Variants in CEP95 observed in about 807,000 individuals in gnomAD.
The protein encoded by CEP95 is centrosomal protein 95, also known as centrosomal protein of 95 kDa.
CEP95 carries 98 observed loss-of-function variants against 111.2 expected under a neutral mutation model. That is an observed-to-expected ratio of 0.88 (90% CI 0.75 to 1.04). The LOEUF (loss-of-function observed/expected upper bound fraction) is 1.04, where lower values mean the gene tolerates loss of function less well. Among genes scored for constraint, CEP95 ranks in the 50% least tolerant of loss-of-function variants. The pLI, the probability that CEP95 is intolerant of heterozygous loss-of-function variation, is 0.00. For missense variants in CEP95, 1,027 were observed against 977.2 expected, an observed-to-expected ratio of 1.05 and a Z score of -0.68; for synonymous variants, 323 against 327.1, an observed-to-expected ratio of 0.99 and a Z score of 0.14.
rs1555673711 is a variant in CEP95 at position 64,508,613 on chromosome 17, A to G, written c.41A>G (p.Asn14Ser). Reference sequence around the variant, plus strand: ...ACAGAGTGGGTAACCATTGCCAATAACCTTCTTTTTAAGTGTCATATACAT... The same window carrying G: ...ACAGAGTGGGTAACCATTGCCAATAGCCTTCTTTTTAAGTGTCATATACAT... ...SDAEWVTIAN[N>S]LLFKCHIHLR... The change falls in exon 2 of 20, where the codon AAC becomes AGC. Residue 14 changes from asparagine (N) to serine (S), a missense_variant. Coordinates refer to ENST00000556440, the MANE Select transcript of CEP95 (RefSeq NM_138363.3). 24 of 1,424,210 alleles carry G rather than the reference A, an allele frequency of 1.7e-5. No homozygotes were observed. The highest frequency in any genetic ancestry group is 2.1e-5 in the Non-Finnish European group (23 of 1,079,604). The allele number at this position is 1,424,210 out of a possible 1,614,324, so 88.2% of individuals were successfully genotyped here.
At chr17:64,526,441 A>T (rs1967829231) in intron 10 of CEP95, among the ~76,000 whole-genome samples, 1 of 152,220 alleles carries the variant, frequency 6.6e-6, no homozygotes, top group South Asian at 2.1e-4. Context: ...TAAATCATTT[A>T]ACATAAACGA....
At chr17:64,527,850 TAATG>T (rs373652375) in intron 11 of CEP95, among the ~76,000 whole-genome samples, 4,017 of 139,572 alleles carry the variant, frequency 0.029, 190 homozygotes, top group African/African-American at 0.11. Flanking sequence ...GTGTGCCACT[TAATG>T]TGTGTGTGTG....
rs1555679095 is a variant in CEP95 at position 64,526,213 on chromosome 17, T to G, written c.1152+13T>G. The G allele has an allele frequency of 6.2e-7, 1 of 1,603,462 alleles. No individual in the cohort carries two copies. Among genetic ancestry groups the G allele is most frequent in the South Asian group, 1.1e-5 (1 of 88,570 alleles). On this transcript the variant is annotated intron_variant, in intron 10 of 19. Transcript: ENST00000556440. ...TGAACTAGATTGGGCAAGTCTTGTT[T>G]TTTCATCTATATTGAGATTCCCATG...
intron 14 of CEP95, 30 bp from the exon 15 acceptor site, chr17:64,532,809 A>G (rs781935527): frequency 1.1e-5 from 18 of 1,592,834 alleles, no homozygotes; most frequent in Non-Finnish European, 1.5e-5. Context: ...TCCACGTCTC[A>G]GATTAAGAAC....
At chr17:64,532,481 C>T (rs1390431847) in intron 14 of CEP95, 2 of 985,280 alleles carry the variant, frequency 2.0e-6, no homozygotes, top group African/African-American at 1.7e-5. Context: ...GGCCCTCCTA[C>T]TCTATCCTTT....
chr17:64,512,840 C>T (rs928667222), intron 3 of CEP95, among the ~76,000 whole-genome samples: 3 of 152,092 alleles, frequency 2.0e-5, no homozygotes, highest in Non-Finnish European at 4.4e-5. Context: ...TGCTTTATCA[C>T]CCAAGTAGGA....
intron 14 of CEP95, chr17:64,532,326 G>T: frequency 9.1e-7 from 1 of 1,102,720 alleles, no homozygotes; most frequent in Non-Finnish European, 1.1e-6. Flanking sequence ...TTTCTGGGAG[G>T]TTGGTAGAAT....
At chr17:64,520,772 T>C (rs1427279694) in intron 6 of CEP95, among the ~76,000 whole-genome samples, 5 of 152,174 alleles carry the variant, frequency 3.3e-5, no homozygotes, top group Non-Finnish European at 7.3e-5. Context: ...GCTAAGACCC[T>C]AACTCTGGTG....
chr17:64,507,186 G>C, intron 1 of CEP95, 70 bp downstream of exon 1: 1 of 1,549,984 alleles, frequency 6.5e-7, no homozygotes, highest in Non-Finnish European at 8.7e-7. Flanking sequence ...CCTCGGGCTA[G>C]CCCGGACTGG....
Position 64,527,284 on chromosome 17 carries a change from T to A in CEP95, c.1306+20T>A. Reference sequence around the variant, plus strand: ...GGCCAGGTACTTACCCCAGAGAGACTGAGAAGGGGGACATCCATGTGAACT... The same window carrying A: ...GGCCAGGTACTTACCCCAGAGAGACAGAGAAGGGGGACATCCATGTGAACT... On this transcript the variant is annotated intron_variant, in intron 11 of 19. Transcript: ENST00000556440. 6.3e-7 allele frequency: 1 copy of A among 1,581,476 alleles called. No individual in the cohort carries two copies. The highest frequency in any genetic ancestry group is 8.6e-7 in the Non-Finnish European group (1 of 1,164,430).
chr17:64,508,028 TA>T, intron 1 of CEP95: 1 of 985,184 alleles, frequency 1.0e-6, no homozygotes, highest in Non-Finnish European at 1.2e-6. Context: ...ATCGATATAA[TA>T]AAAAAGAAAA....
At chr17:64,534,786 AT>A in intron 17 of CEP95, 49 bp downstream of exon 17, 1 of 1,580,308 alleles carries the variant, frequency 6.3e-7, no homozygotes, top group Non-Finnish European at 8.6e-7. Flanking sequence ...GAACTTTGTT[AT>A]CTTTCAGGAC....
Position 64,514,083 on chromosome 17 carries a change from T to G in CEP95, c.257-165T>G, listed in dbSNP as rs1329940693. 9.4e-6 allele frequency: 4 copies of G among 424,140 alleles called. No homozygotes were observed. In the Admixed American group the frequency reaches 1.6e-4, roughly 17 times the overall value. The allele number at this position is 424,140 out of a possible 1,614,324, so 26.3% of individuals were successfully genotyped here. On this transcript the variant is annotated intron_variant, in intron 3 of 19. Transcript: ENST00000556440. ...GTTGTTCTTAATATTTATAATTGTTTCACCTGTATTCTTTTTTTTATTTAA... is the reference window on the plus strand; with the variant it reads ...GTTGTTCTTAATATTTATAATTGTTGCACCTGTATTCTTTTTTTTATTTAA...
intron 17 of CEP95, chr17:64,535,201 A>G (rs1968564956): frequency 5.8e-6 from 1 of 172,242 alleles, no homozygotes; most frequent in South Asian, 1.3e-4. Context: ...AATAAATTTC[A>G]TCTGTAAAAT....
rs971223777 is a variant in CEP95 at position 64,522,617 on chromosome 17, G to A, written c.716-85G>A. The A allele has an allele frequency of 1.2e-5, 10 of 825,918 alleles. No homozygotes were observed. In the Admixed American group the frequency reaches 2.7e-4, roughly 23 times the overall value. The allele number at this position is 825,918 out of a possible 1,614,324, so 51.2% of individuals were successfully genotyped here. ...AAATATTTCTAATGTATGTGAACAT[G>A]TTTATATAGGTATGTATGTATGTAT... On this transcript the variant is annotated intron_variant, in intron 7 of 19. Coordinates refer to ENST00000556440, the MANE Select transcript of CEP95 (RefSeq NM_138363.3).
intron 13 of CEP95, among the ~76,000 whole-genome samples, chr17:64,531,424 G>A (rs1555680310): frequency 6.6e-6 from 1 of 152,114 alleles, no homozygotes; most frequent in Admixed American, 6.5e-5. Context: ...CAAAAGAATG[G>A]TTACAGAAAC....
intron 8 of CEP95, among the ~76,000 whole-genome samples, chr17:64,523,789 A>C (rs1967568758): frequency 1.3e-5 from 2 of 152,170 alleles, no homozygotes; most frequent in South Asian, 4.2e-4. Flanking sequence ...GATCTTAGCT[A>C]CTTAGTAGGC....
intron 6 of CEP95, 49 bp downstream of exon 6, chr17:64,519,485 A>C: frequency 7.5e-7 from 1 of 1,340,162 alleles, no homozygotes; most frequent in Non-Finnish European, 1.1e-6. Flanking sequence ...ATACAACTAT[A>C]AAAATGTAAA....
chr17:64,510,080 C>T, intron 2 of CEP95, 93 bp from the exon 3 acceptor site: 2 of 701,288 alleles, frequency 2.9e-6, no homozygotes, highest in South Asian at 1.6e-5. Flanking sequence ...GCCTTTATAG[C>T]AGTTGAGCAT....
Sources: allele counts gnomAD v4.1 joint callset (sites outside exome capture counted in the v4.1 genomes callset), GRCh38; gene constraint gnomAD v4.1.1; transcripts MANE v1.5; gene names NCBI Gene and HGNC (gene_info 2026-07-23, HGNC 2026-07-21).